Variants in PCDH11X observed in about 807,000 individuals in gnomAD.
The protein encoded by PCDH11X is protocadherin 11 X-linked, also known as protocadherin-11 X-linked.
PCDH11X carries 18 observed loss-of-function variants against 53.3 expected under a neutral mutation model. That is an observed-to-expected ratio of 0.34 (90% CI 0.23 to 0.50). PCDH11X has a LOEUF of 0.50. Ranked by LOEUF, PCDH11X falls within the 20% of genes least tolerant of loss-of-function variation. PCDH11X has a pLI of 0.98. For missense variants in PCDH11X, 570 were observed against 1,032.4 expected, an observed-to-expected ratio of 0.55 and a Z score of 6.14; for synonymous variants, 279 against 393.3, an observed-to-expected ratio of 0.71 and a Z score of 3.44.
chrX:91,860,640 G>A (rs2524498), intron 5 of PCDH11X, among the ~76,000 whole-genome samples: 3 of 111,484 alleles, frequency 2.7e-5, no homozygotes, highest in Non-Finnish European at 5.6e-5. Flanking sequence ...ATGTTTCTTC[G>A]ATAGCTAGTT....
intron 9 of PCDH11X, among the ~76,000 whole-genome samples, chrX:92,463,328 A>T (rs1191924690): frequency 9.0e-6 from 1 of 110,951 alleles, no homozygotes; most frequent in Admixed American, 9.6e-5. Flanking sequence ...TGCATTTAGT[A>T]TTCATCTAAA....
intron 8 of PCDH11X, among the ~76,000 whole-genome samples, chrX:92,293,815 A>C (rs1441636091): frequency 2.1e-5 from 2 of 94,507 alleles, no homozygotes; most frequent in Non-Finnish European, 3.8e-5. Context: ...ATCAAAAACA[A>C]GGAAAACCTG....
chrX:92,077,618 AAGGG>A (rs759978764), intron 6 of PCDH11X, among the ~76,000 whole-genome samples: 2,124 of 77,452 alleles, frequency 0.027, 21 homozygotes, highest in Middle Eastern at 0.096. Context: ...AGAAGGAAGG[AAGGG>A]AGGAAGGAAG....
intron 10 of PCDH11X, among the ~76,000 whole-genome samples, chrX:92,551,141 G>A (rs2074947144): frequency 9.1e-6 from 1 of 109,476 alleles, no homozygotes; most frequent in Non-Finnish European, 1.9e-5. Context: ...CTCAATTTTT[G>A]TTTTTTTGAA....
At chrX:92,262,132 T>C (rs766056412) in intron 7 of PCDH11X, among the ~76,000 whole-genome samples, 17 of 109,520 alleles carry the variant, frequency 1.6e-4, no homozygotes, top group Admixed American at 1.6e-3. Flanking sequence ...AATAAGCCAC[T>C]GGATAAAAAA....
chrX:92,241,353 G>T (rs1364205038), intron 7 of PCDH11X, among the ~76,000 whole-genome samples: 1 of 111,632 alleles, frequency 9.0e-6, no homozygotes, highest in Non-Finnish European at 1.9e-5. Context: ...CTGAATGAAT[G>T]CATCAACAAA....
At position 91,877,427 on chromosome X, in the gene PCDH11X, T is replaced by C. The variant is rs202134547; in HGVS notation, c.1187T>C (p.Val396Ala). ...AAGGATGCGGACCATAATGGCAGGG[T>C]GACATGCTTCACAGATCATGAAATC... ...TDKDADHNGRVTCFTDHEIPF... is the reference protein window; with the variant it reads ...TDKDADHNGRATCFTDHEIPF... The change falls in exon 6 of 11, where the codon GTG becomes GCG. Residue 396 changes from valine to alanine, a missense_variant. Coordinates refer to ENST00000682573, the MANE Select transcript of PCDH11X (RefSeq NM_032968.5). 4 of 1,207,076 alleles carry C rather than the reference T, an allele frequency of 3.3e-6. No individual in the cohort carries two copies. In the African/African-American group the frequency reaches 7.1e-5, roughly 21 times the overall value.
At chrX:92,491,557 C>A (rs1383390589) in intron 10 of PCDH11X, among the ~76,000 whole-genome samples, 1 of 110,835 alleles carries the variant, frequency 9.0e-6, no homozygotes, top group East Asian at 2.8e-4. Context: ...CCATCACATA[C>A]CATAGCTACC....
At chrX:92,032,262 T>G (rs984956901) in intron 6 of PCDH11X, among the ~76,000 whole-genome samples, 4 of 95,953 alleles carry the variant, frequency 4.2e-5, no homozygotes, top group African/African-American at 1.2e-4. Context: ...ATGGGCTTAC[T>G]TTTTTTTCCT....
intron 10 of PCDH11X, among the ~76,000 whole-genome samples, chrX:92,524,636 C>CTT (rs59480486): frequency 9.6e-6 from 1 of 104,052 alleles, no homozygotes; most frequent in East Asian, 3.1e-4. Context: ...TGAATTTGAC[C>CTT]TTTTTTTTTT....
chrX:91,894,742 A>G (rs1940670126), intron 6 of PCDH11X, among the ~76,000 whole-genome samples: 1 of 111,199 alleles, frequency 9.0e-6, no homozygotes, highest in Non-Finnish European at 1.9e-5. Context: ...GAAAAATACC[A>G]TGTCCCTTCT....
rs1229493352 is a variant in PCDH11X, at chrX:91,941,102, G to T, written c.3033+61829G>T. ...AATTCAAAGGATAAATGCTCAAGGG[G>T]ATGGATACCCCACCTTCAGAAAAGA... On this transcript the variant is annotated intron_variant, in intron 6 of 10. Coordinates refer to ENST00000682573, the MANE Select transcript of PCDH11X (RefSeq NM_032968.5). 4.5e-5 allele frequency among the ~76,000 whole-genome samples: 5 copies of T among 110,773 alleles called. No individual in the cohort carries two copies. The East Asian group carries it at 1.2e-3, about 26-fold the overall frequency.
intron 8 of PCDH11X, among the ~76,000 whole-genome samples, chrX:92,374,919 C>G (rs1209639086): frequency 9.3e-6 from 1 of 108,052 alleles, no homozygotes; most frequent in Non-Finnish European, 1.9e-5. Flanking sequence ...TAATTACTAT[C>G]TTGAAATTAT....
chrX:92,305,594 A>T (rs2068810284), intron 8 of PCDH11X, among the ~76,000 whole-genome samples: 1 of 109,507 alleles, frequency 9.1e-6, no homozygotes, highest in African/African-American at 3.3e-5. Flanking sequence ...TGCAAGTCAC[A>T]TTGGGGGTTG....
chrX:92,174,562 T>C (rs2065875154), intron 6 of PCDH11X, among the ~76,000 whole-genome samples: 1 of 111,802 alleles, frequency 8.9e-6, no homozygotes, highest in Non-Finnish European at 1.9e-5. Flanking sequence ...AAGAGCTAAG[T>C]CATAACTGGG....
chrX:92,593,583 A>T lies in PCDH11X; in HGVS notation c.3368-24681A>T, dbSNP rs188383284. Among the ~76,000 whole-genome samples the T allele has an allele frequency of 9.1e-3, 1,009 of 111,358 alleles. 9 individuals are homozygous for T. Among genetic ancestry groups the T allele is most frequent in the African/African-American group, 0.031 (950 of 30,625 alleles). On this transcript the variant is annotated intron_variant, in intron 10 of 10. Transcript: ENST00000682573. Reference sequence around the variant, plus strand: ...GTCTAGCTCAGAAGTTTAAAAAAAAACTTTCTTAAAAGAGTAATGGGACAA... The same window carrying T: ...GTCTAGCTCAGAAGTTTAAAAAAAATCTTTCTTAAAAGAGTAATGGGACAA...
chrX:92,599,239 A>T, intron 10 of PCDH11X, among the ~76,000 whole-genome samples: 1 of 111,801 alleles, frequency 8.9e-6, no homozygotes, highest in Middle Eastern at 4.6e-3. Context: ...GAGGGGATGG[A>T]TAACCCATAT....
chrX:92,263,980 A>G (rs1213473515), intron 8 of PCDH11X, among the ~76,000 whole-genome samples: 1 of 112,152 alleles, frequency 8.9e-6, no homozygotes, highest in African/African-American at 3.2e-5. Context: ...TTTGAATATT[A>G]AATTCAGTAA....
intron 10 of PCDH11X, among the ~76,000 whole-genome samples, chrX:92,517,812 T>A (rs1324667708): frequency 9.0e-6 from 1 of 111,042 alleles, no homozygotes; most frequent in Non-Finnish European, 1.9e-5. Flanking sequence ...AAACTTTGGG[T>A]GAAATACTTC....
Sources: gnomAD v4.1 joint callset for allele counts (sites outside exome capture counted in the v4.1 genomes callset) on GRCh38, gnomAD v4.1.1 for gene constraint, MANE v1.5 for transcripts, NCBI Gene and HGNC (gene_info 2026-07-23, HGNC 2026-07-21) for gene names.